The following SGCG variants were observed in gnomAD, a reference collection of about 807,000 sequenced individuals.
The protein encoded by SGCG is gamma-sarcoglycan.
In SGCG, 26 loss-of-function variants were observed where a neutral mutation model predicts 29.3. The ratio of observed to expected loss-of-function variants is 0.89; its 90% CI spans 0.65 to 1.23. The LOEUF (loss-of-function observed/expected upper bound fraction) is 1.23. Ranked by LOEUF, SGCG falls within the 50% of genes most tolerant of loss-of-function variation. The pLI is 0.00. For synonymous variants in SGCG, 145 were observed against 129.7 expected (o/e 1.12, Z -0.80); for missense variants, 353 against 356.0 (o/e 0.99, Z 0.07).
At chr13:23,290,350 A>ACAGT (rs773753031) in intron 5 of SGCG, among the ~76,000 whole-genome samples, 4 of 152,212 alleles carry the variant, frequency 2.6e-5, no homozygotes, top group Non-Finnish European at 4.4e-5. Context: ...AAAAATGCCA[A>ACAGT]CAGTAGAGGC....
At chr13:23,292,004 T>C (rs1278422112) in intron 5 of SGCG, among the ~76,000 whole-genome samples, 1 of 152,218 alleles carries the variant, frequency 6.6e-6, no homozygotes, top group African/African-American at 2.4e-5. Flanking sequence ...AACAACCTGC[T>C]GTGACACCAA....
intron 4 of SGCG, among the ~76,000 whole-genome samples, chr13:23,260,195 C>T (rs2137584707): frequency 6.6e-6 from 1 of 152,210 alleles, no homozygotes; most frequent in East Asian, 1.9e-4. Context: ...CTTTATGTAT[C>T]TCTAAGGACT....
chr13:23,212,699 G>A (rs894755783), intron 2 of SGCG, among the ~76,000 whole-genome samples: 17 of 152,122 alleles, frequency 1.1e-4, no homozygotes, highest in African/African-American at 3.9e-4. Flanking sequence ...GAGAAGAGAG[G>A]CTCCAGTTAA....
the SGCG span, among the ~76,000 whole-genome samples, chr13:23,161,601 C>T: frequency 6.6e-6 from 1 of 152,196 alleles, no homozygotes; most frequent in African/African-American, 2.4e-5. Context: ...AGAGATTGCA[C>T]AATTCTATTC....
At chr13:23,233,424 C>G (rs1407808471) in intron 2 of SGCG, among the ~76,000 whole-genome samples, 1 of 152,240 alleles carries the variant, frequency 6.6e-6, no homozygotes, top group South Asian at 2.1e-4. Context: ...ACATATATTT[C>G]AAATTGTACC....
At chr13:23,192,658 A>G (rs1877322659) in intron 1 of SGCG, among the ~76,000 whole-genome samples, 1 of 152,110 alleles carries the variant, frequency 6.6e-6, no homozygotes, top group Non-Finnish European at 1.5e-5. Flanking sequence ...AGCCTCCCAG[A>G]GTGCTGGGAT....
chr13:23,182,665 A>C (rs1027862400), intron 1 of SGCG, among the ~76,000 whole-genome samples: 8 of 152,210 alleles, frequency 5.3e-5, no homozygotes, highest in African/African-American at 1.7e-4. Context: ...ACACTGGTAC[A>C]GGAGTATTTA....
chr13:23,309,950 T>C (rs1882500664), intron 6 of SGCG, among the ~76,000 whole-genome samples: 1 of 152,192 alleles, frequency 6.6e-6, no homozygotes, highest in Non-Finnish European at 1.5e-5. Context: ...TATTCATAAA[T>C]GTTTATGCTA....
At chr13:23,178,119 A>G (rs911934165), upstream of SGCG, among the ~76,000 whole-genome samples, 2 of 152,214 alleles carry the variant, frequency 1.3e-5, no homozygotes, top group Admixed American at 6.5e-5. Context: ...TGATATGGAC[A>G]GAATTACCTG....
Position 23,234,685 on chromosome 13 carries a change from G to T in SGCG, c.270G>T (p.Leu90Phe), listed in dbSNP as rs368524463. Residue 90 changes from leucine to phenylalanine, a missense_variant, in exon 3 of 8, where the codon TTG becomes TTT. Physicochemically the swap from Leu to Phe is conservative, Grantham distance 22. Coordinates refer to ENST00000218867, the MANE Select transcript of SGCG (RefSeq NM_000231.3). ...GGGAATCAGAATTTTTATTCCCATTGTATGCCAAAGAAATACACTCCAGAG... is the reference window on the plus strand; with the variant it reads ...GGGAATCAGAATTTTTATTCCCATTTTATGCCAAAGAAATACACTCCAGAG... The part of the protein sequence containing the change: ...LEGESEFLFP[L>F]YAKEIHSRVD... 11 of 1,608,186 alleles carry T rather than the reference G, an allele frequency of 6.8e-6. No individual in the cohort carries two copies. In the African/African-American group the frequency reaches 1.5e-4, roughly 22 times the overall value.
intron 1 of SGCG, among the ~76,000 whole-genome samples, chr13:23,186,920 C>T (rs1593160764): frequency 1.3e-5 from 2 of 152,298 alleles, no homozygotes; most frequent in Admixed American, 1.3e-4. Context: ...GAAAAATCCA[C>T]CCCAGCCTAC....
upstream of SGCG, among the ~76,000 whole-genome samples, chr13:23,177,429 G>T (rs368446870): frequency 2.6e-5 from 4 of 152,124 alleles, 1 homozygote; most frequent in East Asian, 5.8e-4. Flanking sequence ...GATAAATCGG[G>T]ATAAAAAATT....
intron 6 of SGCG, among the ~76,000 whole-genome samples, chr13:23,317,938 C>A (rs1441614279): frequency 1.3e-5 from 2 of 152,072 alleles, no homozygotes; most frequent in East Asian, 3.9e-4. Flanking sequence ...GGAAGGCAGA[C>A]CCACCCTTAA....
At chr13:23,168,177 A>G in the SGCG span, among the ~76,000 whole-genome samples, 58 of 152,072 alleles carry the variant, frequency 3.8e-4, no homozygotes, top group Non-Finnish European at 1.8e-4. Flanking sequence ...GTTTTTTCAC[A>G]TCGTTGTTTG....
intron 6 of SGCG, 93 bp from the exon 7 acceptor site, chr13:23,320,544 A>T: frequency 9.8e-7 from 1 of 1,023,750 alleles, no homozygotes; most frequent in Non-Finnish European, 1.5e-6. Flanking sequence ...ATATCTTACT[A>T]GTTATATTTC....
chr13:23,164,253 TTTAA>T, the SGCG span, among the ~76,000 whole-genome samples: 1 of 152,240 alleles, frequency 6.6e-6, no homozygotes, highest in Non-Finnish European at 1.5e-5. Context: ...CTCCAGATAG[TTTAA>T]TTATCACAGG....
chr13:23,299,205 C>A (rs952531824), intron 6 of SGCG, among the ~76,000 whole-genome samples: 23 of 151,752 alleles, frequency 1.5e-4, no homozygotes, highest in Non-Finnish European at 2.8e-4. Flanking sequence ...ATCCAGTTTG[C>A]TGTCTCCACC....
At chr13:23,214,042 G>A (rs1878334113) in intron 2 of SGCG, among the ~76,000 whole-genome samples, 1 of 152,132 alleles carries the variant, frequency 6.6e-6, no homozygotes, top group African/African-American at 2.4e-5. Flanking sequence ...GACCCTTCTG[G>A]TCTTAAAGCT....
upstream of SGCG, among the ~76,000 whole-genome samples, chr13:23,177,871 G>T (rs890441352): frequency 6.6e-6 from 1 of 151,834 alleles, no homozygotes; most frequent in Admixed American, 6.6e-5. Context: ...GAGCCACCAC[G>T]CCCGGCCTGT....
Sources: gnomAD v4.1 joint callset for allele counts (sites outside exome capture counted in the v4.1 genomes callset) on GRCh38, gnomAD v4.1.1 for gene constraint, MANE v1.5 for transcripts, NCBI Gene and HGNC (gene_info 2026-07-23, HGNC 2026-07-21) for gene names.